The following ZBBX variants were observed in gnomAD, a reference collection of about 807,000 sequenced individuals.
The protein encoded by ZBBX is zinc finger B-box domain containing.
ZBBX carries 101 observed loss-of-function variants against 108.5 expected under a neutral mutation model. The ratio of observed to expected loss-of-function variants is 0.93; its 90% CI spans 0.79 to 1.10. ZBBX has a LOEUF of 1.10. Ranked by LOEUF, ZBBX falls within the 50% of genes least tolerant of loss-of-function variation. The probability of loss-of-function intolerance (pLI) is 0.00; values close to 1 mark genes in which losing one functional copy is unlikely to be tolerated. For synonymous variants in ZBBX, 356 were observed against 323.4 expected (o/e 1.10, Z -1.08); for missense variants, 1,009 against 941.4 (o/e 1.07, Z -0.94).
At chr3:167,325,470 C>T (rs1477879734) in intron 11 of ZBBX, among the ~76,000 whole-genome samples, 1 of 152,094 alleles carries the variant, frequency 6.6e-6, no homozygotes, top group Non-Finnish European at 1.5e-5. Context: ...GATTCAATTA[C>T]CTCTCGCCGG....
chr3:167,274,821 C>A (rs1727199976), intron 20 of ZBBX, among the ~76,000 whole-genome samples: 1 of 152,126 alleles, frequency 6.6e-6, no homozygotes, highest in Admixed American at 6.5e-5. Flanking sequence ...TGCAGTCTGA[C>A]CCCAGCCCAT....
At chr3:167,301,259 A>G (rs757358566) in intron 17 of ZBBX, among the ~76,000 whole-genome samples, 21 of 152,232 alleles carry the variant, frequency 1.4e-4, no homozygotes, top group Non-Finnish European at 2.4e-4. Flanking sequence ...GGTGCTATGT[A>G]AGTCACAGCT....
intron 1 of ZBBX, 57 bp from the exon 2 acceptor site, chr3:167,379,849 A>C (rs1273077587): frequency 1.3e-5 from 2 of 152,226 alleles, no homozygotes; most frequent in Non-Finnish European, 2.9e-5. Flanking sequence ...ATAAGGTGCA[A>C]ATGACTTCAA....
At position 167,242,630 on chromosome 3, in the gene ZBBX, C is replaced by T. The variant is rs746504363; in HGVS notation, c.2268G>A (p.Lys756=). The T allele has an allele frequency of 8.7e-6, 14 of 1,610,108 alleles. No individual in the cohort carries two copies. The highest frequency in any genetic ancestry group is 1.1e-5 in the South Asian group (1 of 90,182). The change falls in exon 21 of 22, where the codon AAG becomes AAA. Residue 756 remains lysine (K), a synonymous_variant. Coordinates refer to ENST00000675490, the MANE Select transcript of ZBBX (RefSeq NM_001199201.2). Reference sequence around the variant, plus strand: ...ACTCTTCTGAGGTTAAGCTGTAAAGCTTTTCTGAAGTATCTGAAATATTTT... The same window carrying T: ...ACTCTTCTGAGGTTAAGCTGTAAAGTTTTTCTGAAGTATCTGAAATATTTT... ...VLRSLADTSE[K]LYSLTSEEFP...
In ZBBX at chr3:167,328,215, G is replaced by A. The variant is rs181766277; in HGVS notation, c.688-99C>T. ...AATTCTGTGTTTTAAAATACAGGTA[G>A]AACTAATTATTAGTCATCACAAATC... On this transcript the variant is annotated intron_variant, in intron 10 of 21. Coordinates refer to ENST00000675490, the MANE Select transcript of ZBBX (RefSeq NM_001199201.2). The A allele has an allele frequency of 2.5e-4, 297 of 1,184,508 alleles. No individual in the cohort carries two copies. In the Middle Eastern group the frequency reaches 7.7e-3, roughly 31 times the overall value. The allele number at this position is 1,184,508 out of a possible 1,614,324, so 73.4% of individuals were successfully genotyped here. A position where few individuals can be genotyped will look rare whatever the true frequency, so the allele number is the denominator to read the frequency against.
intron 20 of ZBBX, 73 bp downstream of exon 20, chr3:167,282,165 G>C (rs1020471061): frequency 1.4e-6 from 2 of 1,437,794 alleles, no homozygotes; most frequent in African/African-American, 1.4e-5. Flanking sequence ...TTTTGTTAGC[G>C]CAAGATATGA....
the ZBBX span, among the ~76,000 whole-genome samples, chr3:167,229,803 A>G: frequency 6.6e-6 from 1 of 152,000 alleles, no homozygotes; most frequent in Admixed American, 6.6e-5. Context: ...GTTGAGGACA[A>G]TGCAGAAGAT....
rs373644752 is a variant in ZBBX, at chr3:167,247,110, C to T, written c.2255-4467G>A. On this transcript the variant is annotated intron_variant, in intron 20 of 21. Coordinates refer to ENST00000675490, the MANE Select transcript of ZBBX (RefSeq NM_001199201.2). ...TTTTGTGCACAAATGTTGCATTTCC[C>T]AAGACCACCCTGGCCCACCACATCC... Among the ~76,000 whole-genome samples, 10 of 152,262 alleles carry T rather than the reference C, an allele frequency of 6.6e-5. No individual in the cohort carries two copies. In the East Asian group the frequency reaches 9.7e-4, roughly 15 times the overall value.
At chr3:167,253,624 A>G (rs1041044598) in intron 20 of ZBBX, among the ~76,000 whole-genome samples, 1 of 152,156 alleles carries the variant, frequency 6.6e-6, no homozygotes, top group Non-Finnish European at 1.5e-5. Context: ...CAGAACCCGC[A>G]AACAGTAGCT....
the ZBBX span, among the ~76,000 whole-genome samples, chr3:167,183,924 G>A: frequency 6.6e-6 from 1 of 152,162 alleles, no homozygotes; most frequent in East Asian, 1.9e-4. Context: ...AAAAGTCTGA[G>A]GAATCATGAG....
chr3:167,231,016 G>A, the ZBBX span, among the ~76,000 whole-genome samples: 2 of 151,724 alleles, frequency 1.3e-5, no homozygotes, highest in Non-Finnish European at 2.9e-5. Context: ...AAGAAAAAGA[G>A]GATTCGAAGG....
intron 21 of ZBBX, 61 bp from the exon 22 acceptor site, chr3:167,240,980 A>G: frequency 1.3e-6 from 2 of 1,579,544 alleles, no homozygotes; most frequent in Non-Finnish European, 8.6e-7. Context: ...CTCTTCATTT[A>G]TCTTCTGATC....
At chr3:167,211,777 C>T in the ZBBX span, among the ~76,000 whole-genome samples, 1 of 152,046 alleles carries the variant, frequency 6.6e-6, no homozygotes, top group East Asian at 1.9e-4. Context: ...ACCTCCAAAC[C>T]AGGACCTCCA....
intron 9 of ZBBX, among the ~76,000 whole-genome samples, chr3:167,345,857 C>G (rs1741360165): frequency 6.6e-6 from 1 of 151,832 alleles, no homozygotes; most frequent in South Asian, 2.1e-4. Context: ...GAAATTCTAC[C>G]TCAATTATCT....
chr3:167,248,873 G>A (rs1722063806), intron 20 of ZBBX, among the ~76,000 whole-genome samples: 1 of 152,298 alleles, frequency 6.6e-6, no homozygotes, highest in East Asian at 1.9e-4. Flanking sequence ...CTGCTTCGTG[G>A]GTACATACTG....
chr3:167,322,997 C>T (rs1319766255), intron 11 of ZBBX, among the ~76,000 whole-genome samples: 1 of 151,894 alleles, frequency 6.6e-6, no homozygotes, highest in Non-Finnish European at 1.5e-5. Flanking sequence ...CAGCTACGGG[C>T]CAGCAATGGA....
At chr3:167,227,496 A>G in the ZBBX span, among the ~76,000 whole-genome samples, 1 of 151,636 alleles carries the variant, frequency 6.6e-6, no homozygotes, top group South Asian at 2.1e-4. Context: ...TTCCTTGGGA[A>G]GCAAATTTGC....
intron 9 of ZBBX, among the ~76,000 whole-genome samples, chr3:167,348,712 A>G (rs2108488982): frequency 6.6e-6 from 1 of 152,180 alleles, no homozygotes; most frequent in Non-Finnish European, 1.5e-5. Flanking sequence ...ATGTAACCCG[A>G]AGGAAGTTAT....
chr3:167,377,459 A>G (rs969921031), intron 2 of ZBBX, among the ~76,000 whole-genome samples: 3 of 152,188 alleles, frequency 2.0e-5, no homozygotes, highest in Non-Finnish European at 4.4e-5. Flanking sequence ...CATACCATAA[A>G]TAGGGATTTT....
Sources: gnomAD v4.1 joint callset for allele counts (sites outside exome capture counted in the v4.1 genomes callset) on GRCh38, gnomAD v4.1.1 for gene constraint, MANE v1.5 for transcripts, NCBI Gene and HGNC (gene_info 2026-07-23, HGNC 2026-07-21) for gene names.